Variants in HDAC9 observed in about 807,000 individuals in gnomAD.
The protein encoded by HDAC9 is MEF-2 interacting transcription repressor (MITR) protein.
In HDAC9, 41 loss-of-function variants were observed where a neutral mutation model predicts 139.4. The ratio of observed to expected loss-of-function variants is 0.29; its 90% CI spans 0.23 to 0.38. HDAC9 has a LOEUF of 0.38. Ranked by LOEUF, HDAC9 falls within the 10% of genes least tolerant of loss-of-function variation. The pLI is 1.00. For missense variants in HDAC9, 1,147 were observed against 1,297.0 expected, an observed-to-expected ratio of 0.88 and a Z score of 1.78; for synonymous variants, 517 against 476.2, an observed-to-expected ratio of 1.09 and a Z score of -1.12.
chr7:18,392,311 TCTCTCACA>T (rs755161727), intron 1 of HDAC9, among the ~76,000 whole-genome samples: 1,734 of 124,426 alleles, frequency 0.014, 12 homozygotes, highest in Non-Finnish European at 0.022. Context: ...TCTCTCTCTC[TCTCTCACA>T]CACACACACA....
intron 2 of HDAC9, among the ~76,000 whole-genome samples, chr7:18,530,211 C>G (rs954126042): frequency 1.3e-5 from 2 of 152,064 alleles, no homozygotes; most frequent in Non-Finnish European, 2.9e-5. Flanking sequence ...TGTAGTGAAC[C>G]ATGATCATGC....
intron 14 of HDAC9, among the ~76,000 whole-genome samples, chr7:18,753,630 T>G (rs1468490591): frequency 6.6e-6 from 1 of 152,146 alleles, no homozygotes; most frequent in Non-Finnish European, 1.5e-5. Flanking sequence ...GATTCCTTCA[T>G]TTCCAAACAG....
At chr7:18,740,057 A>T (rs1389018326) in intron 13 of HDAC9, among the ~76,000 whole-genome samples, 1 of 152,158 alleles carries the variant, frequency 6.6e-6, no homozygotes, top group Non-Finnish European at 1.5e-5. Context: ...AGGCTCTATG[A>T]GCGTGGGACC....
intron 2 of HDAC9, among the ~76,000 whole-genome samples, chr7:18,185,119 A>T (rs1196327862): frequency 6.6e-6 from 1 of 152,112 alleles, no homozygotes; most frequent in East Asian, 1.9e-4. Flanking sequence ...CTTTCAAAGC[A>T]AGTGATTTTT....
intron 22 of HDAC9, among the ~76,000 whole-genome samples, chr7:18,928,356 C>T (rs1011434140): frequency 6.6e-6 from 1 of 152,208 alleles, no homozygotes; most frequent in Non-Finnish European, 1.5e-5. Flanking sequence ...AAAGTTTATA[C>T]AGTTCTGACT....
intron 1 of HDAC9, among the ~76,000 whole-genome samples, chr7:18,308,286 A>G (rs1315209144): frequency 6.6e-6 from 1 of 152,238 alleles, no homozygotes; most frequent in East Asian, 1.9e-4. Flanking sequence ...ACTTTTAAAC[A>G]TCAGAAGAAA....
Position 18,590,424 on chromosome 7 carries a change from T to C in HDAC9, c.353T>C (p.Val118Ala), listed in dbSNP as rs756859480. 1.2e-6 allele frequency: 2 copies of C among 1,608,356 alleles called. No individual in the cohort carries two copies. Among genetic ancestry groups the C allele is most frequent in the African/African-American group, 2.7e-5 (2 of 74,758 alleles). The change falls in exon 4 of 26, where the codon GTA (valine) becomes GCA (alanine). Residue 118 changes from valine to alanine, a missense_variant. Physicochemically the swap from Val to Ala is moderately conservative, Grantham distance 64. Coordinates refer to ENST00000686413, the MANE Select transcript of HDAC9 (RefSeq NM_178425.4). ...KLEQQRQEQE[V>A]ERHRREQQLP... is the part of the protein sequence containing the mutation. ...GAGCAGCAGAGGCAAGAACAGGAAG[T>C]AGAGAGGCATCGCAGAGAACAGCAG...
At chr7:18,665,475 C>A (rs1481408329) in intron 11 of HDAC9, among the ~76,000 whole-genome samples, 1 of 151,916 alleles carries the variant, frequency 6.6e-6, no homozygotes, top group Admixed American at 6.6e-5. Flanking sequence ...TCATTGACTT[C>A]TGAAAACTAA....
intron 2 of HDAC9, among the ~76,000 whole-genome samples, chr7:18,510,368 A>G (rs1310969707): frequency 6.6e-6 from 1 of 152,184 alleles, no homozygotes; most frequent in Non-Finnish European, 1.5e-5. Context: ...ATAAATGCAT[A>G]CTTTTTTTAA....
At chr7:18,936,061 A>G (rs1328553112) in intron 23 of HDAC9, 119 bp downstream of exon 23, 1 of 939,410 alleles carries the variant, frequency 1.1e-6, no homozygotes, top group South Asian at 1.7e-5. Flanking sequence ...CTTACCATTA[A>G]GAAAGAAGGT....
intron 2 of HDAC9, among the ~76,000 whole-genome samples, chr7:18,535,256 T>G (rs900312004): frequency 2.0e-5 from 3 of 152,156 alleles, no homozygotes; most frequent in African/African-American, 7.2e-5. Flanking sequence ...TAGAAATAAA[T>G]GCATTTGGTC....
chr7:18,507,030 T>A (rs571919240), intron 2 of HDAC9, among the ~76,000 whole-genome samples: 1 of 152,190 alleles, frequency 6.6e-6, no homozygotes, highest in South Asian at 2.1e-4. Flanking sequence ...TAATGTTAAA[T>A]TCGCATTTTA....
chr7:18,961,033 C>T (rs771236131), intron 24 of HDAC9, among the ~76,000 whole-genome samples: 2 of 152,210 alleles, frequency 1.3e-5, no homozygotes, highest in Admixed American at 6.5e-5. Flanking sequence ...AAAATTCTAA[C>T]TCAAACTCAG....
At chr7:18,847,966 T>C (rs1220158691) in intron 21 of HDAC9, among the ~76,000 whole-genome samples, 1 of 152,186 alleles carries the variant, frequency 6.6e-6, no homozygotes, top group Non-Finnish European at 1.5e-5. Context: ...ACAAGTTGAG[T>C]ATATTTTGCA....
chr7:18,703,932 C>T (rs1204572371), intron 12 of HDAC9, among the ~76,000 whole-genome samples: 1 of 152,278 alleles, frequency 6.6e-6, no homozygotes, highest in East Asian at 1.9e-4. Context: ...TGCATACTCC[C>T]ACAAGCAGAT....
chr7:18,149,042 C>T (rs1426650790), intron 1 of HDAC9, among the ~76,000 whole-genome samples: 1 of 152,128 alleles, frequency 6.6e-6, no homozygotes, highest in Non-Finnish European at 1.5e-5. Context: ...TGCATTTATA[C>T]TGTCTCTGAA....
intron 23 of HDAC9, among the ~76,000 whole-genome samples, chr7:18,951,729 C>G (rs1782809174): frequency 1.3e-5 from 2 of 151,160 alleles, no homozygotes; most frequent in African/African-American, 4.9e-5. Context: ...ATTTTCTGCT[C>G]CAAATTTATA....
intron 16 of HDAC9, among the ~76,000 whole-genome samples, chr7:18,774,079 T>G (rs1408376775): frequency 6.6e-6 from 1 of 152,062 alleles, no homozygotes; most frequent in African/African-American, 2.4e-5. Context: ...ATCCCTAGGA[T>G]TTAATCATTC....
intron 12 of HDAC9, chr7:18,667,873 C>CT (rs1164290556): frequency 1.0e-6 from 1 of 983,080 alleles, no homozygotes; most frequent in African/African-American, 1.7e-5. Context: ...TATAGGTTTA[C>CT]TTTTGTTAAG....
Sources: allele counts gnomAD v4.1 joint callset (sites outside exome capture counted in the v4.1 genomes callset), GRCh38; gene constraint gnomAD v4.1.1; transcripts MANE v1.5; gene names NCBI Gene and HGNC (gene_info 2026-07-23, HGNC 2026-07-21).